SANBR: variants seen among roughly 807,000 people sequenced by gnomAD.
SANBR encodes the protein SANT and BTB domain regulator of class switch recombination.
A neutral mutation model predicts 101.8 loss-of-function variants in SANBR; 77 were observed. The ratio of observed to expected loss-of-function variants is 0.76; its 90% CI spans 0.63 to 0.91. SANBR has a LOEUF of 0.91. SANBR is among the 40% of genes least tolerant of loss of function. SANBR has a pLI of 0.00. For synonymous variants in SANBR, 279 were observed against 274.7 expected (o/e 1.02, Z -0.15); for missense variants, 875 against 853.0 (o/e 1.03, Z -0.32).
intron 12 of SANBR, among the ~76,000 whole-genome samples, chr2:61,103,003 A>G (rs1323119490): frequency 6.6e-6 from 1 of 152,166 alleles, no homozygotes; most frequent in African/African-American, 2.4e-5. Context: ...GTAGCCCCAA[A>G]CTAGAAACAA....
chr2:61,126,060 T>C (rs1573678242), downstream of SANBR, among the ~76,000 whole-genome samples: 1 of 152,188 alleles, frequency 6.6e-6, no homozygotes, highest in African/African-American at 2.4e-5. Context: ...ACATTTGTAC[T>C]TGGAGTACCA....
At chr2:61,094,704 C>T (rs1487586399) in intron 11 of SANBR, among the ~76,000 whole-genome samples, 1 of 136,328 alleles carries the variant, frequency 7.3e-6, no homozygotes, top group Non-Finnish European at 1.5e-5. Flanking sequence ...AGTGCGCTGG[C>T]GCCATCTTGG....
intron 21 of SANBR, among the ~76,000 whole-genome samples, chr2:61,121,872 T>C (rs973742199): frequency 3.3e-5 from 5 of 152,178 alleles, no homozygotes; most frequent in African/African-American, 1.2e-4. Flanking sequence ...TTTTTATTCA[T>C]CCCACTTATA....
In SANBR at chr2:61,122,313, A is replaced by G. The variant is rs1684365284; in HGVS notation, c.*151A>G. On this transcript the variant is annotated 3_prime_UTR_variant, in exon 22 of 22. Coordinates refer to ENST00000402291, the MANE Select transcript of SANBR (RefSeq NM_001129993.3). ...TAAATCATAATTCTAAAAGAAATGC[A>G]TAGTTAGGTTTTATGAAAATCTAAT... The G allele has an allele frequency of 8.1e-7, 1 of 1,236,116 alleles. No individual in the cohort carries two copies. The highest frequency in any genetic ancestry group is 2.8e-5 in the South Asian group (1 of 35,938). 76.6% of individuals were successfully genotyped at this position (1,236,116 alleles called of 1,614,324 possible).
chr2:61,118,170 T>C, intron 20 of SANBR, 54 bp downstream of exon 20: 1 of 1,153,718 alleles, frequency 8.7e-7, no homozygotes, highest in Non-Finnish European at 1.3e-6. Flanking sequence ...CTTCCTACTT[T>C]TATTTTCAGC....
At chr2:61,115,945 G>A (rs574108814) in intron 16 of SANBR, 34 bp from the exon 17 acceptor site, 13 of 1,347,678 alleles carry the variant, frequency 9.6e-6, no homozygotes, top group East Asian at 6.9e-5. Flanking sequence ...AGTATATGGG[G>A]CCTAAGTTTA....
In SANBR at chr2:61,083,313, A is replaced by G. The variant is rs2104878147; in HGVS notation, c.889A>G (p.Ser297Gly). 2 of 1,566,344 alleles carry G rather than the reference A, an allele frequency of 1.3e-6. No homozygotes were observed. Among genetic ancestry groups the G allele is most frequent in the Middle Eastern group, 1.7e-4 (1 of 5,948 alleles). Reference protein sequence around the residue: ...DLKDKKDKFKSKLFCKKIERL... With the variant: ...DLKDKKDKFKGKLFCKKIERL... The stretch of plus-strand genomic sequence containing the variant: ...AAAGGACAAAAAAGATAAATTTAAA[A>G]GGTAATTTCAAAAGTTTAATTTTAA... The change falls in exon 8 of 22, where the codon AGC becomes GGC. Residue 297 changes from serine (S) to glycine (G), a missense_variant and splice_region_variant. By Grantham distance (56) the Ser-to-Gly change is moderately conservative. Transcript: ENST00000402291.
chr2:61,114,194 T>A (rs1354568818), intron 16 of SANBR, among the ~76,000 whole-genome samples: 1 of 152,216 alleles, frequency 6.6e-6, no homozygotes, highest in African/African-American at 2.4e-5. Context: ...TCTGTCTGGC[T>A]GAGAGTCTGG....
At chr2:61,095,930 A>T (rs1388862344) in intron 11 of SANBR, among the ~76,000 whole-genome samples, 1 of 151,634 alleles carries the variant, frequency 6.6e-6, no homozygotes, top group African/African-American at 2.4e-5. Flanking sequence ...GTCTTTCTTC[A>T]CCCCAGGCCT....
intron 7 of SANBR, 142 bp downstream of exon 7, chr2:61,081,652 T>A: frequency 1.0e-6 from 1 of 984,044 alleles, no homozygotes; most frequent in Non-Finnish European, 1.4e-6. Flanking sequence ...TTCAGGAATA[T>A]AATTTCTTTT....
At chr2:61,098,480 TA>T (rs1683140789) in intron 12 of SANBR, among the ~76,000 whole-genome samples, 2 of 152,172 alleles carry the variant, frequency 1.3e-5, no homozygotes, top group Admixed American at 6.5e-5. Context: ...CTCAACAACA[TA>T]ACTAGGGTAT....
chr2:61,100,056 G>A (rs1440335938), intron 12 of SANBR, among the ~76,000 whole-genome samples: 1 of 152,124 alleles, frequency 6.6e-6, no homozygotes, highest in African/African-American at 2.4e-5. Flanking sequence ...GAGAAAGGGA[G>A]GAGATAGATT....
At chr2:61,066,740 AAT>A (rs1681193996) in intron 1 of SANBR, among the ~76,000 whole-genome samples, 1 of 152,220 alleles carries the variant, frequency 6.6e-6, no homozygotes, top group African/African-American at 2.4e-5. Flanking sequence ...ATAAGAAAAA[AAT>A]ATATCAGATT....
At chr2:61,134,415 A>G (rs937647342) in intron 21 of SANBR, 5 of 804,906 alleles carry the variant, frequency 6.2e-6, no homozygotes, top group African/African-American at 5.2e-5. Context: ...TTTGCTGCCT[A>G]TTGAAATTGT....
chr2:61,125,563 G>C (rs943315551), downstream of SANBR, among the ~76,000 whole-genome samples: 1 of 152,192 alleles, frequency 6.6e-6, no homozygotes, highest in Non-Finnish European at 1.5e-5. Flanking sequence ...TTCAACTGAA[G>C]GACAGTAAGT....
intron 20 of SANBR, among the ~76,000 whole-genome samples, chr2:61,129,431 C>T (rs1338576182): frequency 3.5e-5 from 5 of 143,564 alleles, no homozygotes; most frequent in East Asian, 2.0e-4. Context: ...GCAACAACAG[C>T]GAAACTCCAT....
intron 16 of SANBR, 49 bp downstream of exon 16, chr2:61,109,345 A>G (rs1419044821): frequency 9.4e-7 from 1 of 1,067,422 alleles, no homozygotes; most frequent in South Asian, 1.7e-5. Context: ...TGAAGGGGTT[A>G]CATTCTGAAG....
downstream of SANBR, among the ~76,000 whole-genome samples, chr2:61,128,196 C>T (rs547543168): frequency 3.3e-3 from 502 of 151,044 alleles, 2 homozygotes; most frequent in African/African-American, 0.011. Context: ...CGCTTGAACC[C>T]GGGAGGTGGA....
At chr2:61,094,835 G>A (rs1230545337) in intron 11 of SANBR, among the ~76,000 whole-genome samples, 1 of 151,980 alleles carries the variant, frequency 6.6e-6, no homozygotes, top group Non-Finnish European at 1.5e-5. Context: ...AGTAGAAATG[G>A]GGTTTCACCA....
Sources: allele counts gnomAD v4.1 joint callset (sites outside exome capture counted in the v4.1 genomes callset), GRCh38; gene constraint gnomAD v4.1.1; transcripts MANE v1.5; gene names NCBI Gene and HGNC (gene_info 2026-07-23, HGNC 2026-07-21).